The following FRY variants were observed in gnomAD, a reference collection of about 807,000 sequenced individuals.
FRY encodes the protein FRY microtubule binding protein, also known as protein furry homolog.
Under a neutral mutation model 348.4 loss-of-function variants are expected in FRY, and 128 were observed. That is an observed-to-expected ratio of 0.37 (90% CI 0.32 to 0.43). The LOEUF is 0.43. FRY is among the 20% of genes least tolerant of loss of function. The probability of loss-of-function intolerance (pLI) is 1.00; values close to 1 mark genes in which losing one functional copy is unlikely to be tolerated. For synonymous variants in FRY, 1,370 were observed against 1,374.7 expected, an observed-to-expected ratio of 1.00 and a Z score of 0.08; for missense variants, 2,736 against 3,695.2, an observed-to-expected ratio of 0.74 and a Z score of 6.73.
chr13:32,110,640 C>A (rs1438174024), intron 3 of FRY, among the ~76,000 whole-genome samples: 2 of 151,870 alleles, frequency 1.3e-5, no homozygotes, highest in African/African-American at 4.8e-5. Flanking sequence ...TTTCACATAC[C>A]TTCCAGCTAC....
intron 13 of FRY, among the ~76,000 whole-genome samples, chr13:32,149,230 T>TAC (rs1264017933): frequency 6.6e-6 from 1 of 150,420 alleles, no homozygotes; most frequent in Admixed American, 6.7e-5. Context: ...TATATATATA[T>TAC]ACACCCCTGA....
At chr13:32,062,174 T>A (rs1002748648) in intron 1 of FRY, among the ~76,000 whole-genome samples, 2 of 151,918 alleles carry the variant, frequency 1.3e-5, no homozygotes, top group African/African-American at 4.8e-5. Context: ...AAGGAACTTT[T>A]TTTTTCCTCC....
chr13:32,147,766 TC>T (rs1880546277), intron 12 of FRY, 72 bp from the exon 13 acceptor site: 9 of 838,908 alleles, frequency 1.1e-5, no homozygotes, highest in Middle Eastern at 2.4e-4. Flanking sequence ...AGATGAAATA[TC>T]TGCCATTTTC....
In FRY at chr13:32,244,154, T is replaced by C. The variant is rs752126703; in HGVS notation, c.6800T>C (p.Val2267Ala). ...VVPVKQFNVE[V>A]LKTIEKYVQS... ...CCTGTCAAACAGTTCAATGTGGAAGTTCTGAAGACAATTGAAAAATATGTG... is the reference window on the plus strand; with the variant it reads ...CCTGTCAAACAGTTCAATGTGGAAGCTCTGAAGACAATTGAAAAATATGTG... The change falls in exon 47 of 61, where the codon GTT becomes GCT. Residue 2267 changes from valine to alanine, a missense_variant. By Grantham distance (64) the Val-to-Ala change is moderately conservative (BLOSUM62 0). Coordinates refer to ENST00000542859, the MANE Select transcript of FRY (RefSeq NM_023037.3). 6.2e-7 allele frequency: 1 copy of C among 1,613,934 alleles called. No individual in the cohort carries two copies. The highest frequency in any genetic ancestry group is 1.1e-5 in the South Asian group (1 of 91,088).
At chr13:32,126,261 C>T (rs1470259359) in intron 7 of FRY, among the ~76,000 whole-genome samples, 1 of 87,604 alleles carries the variant, frequency 1.1e-5, no homozygotes, top group Non-Finnish European at 2.6e-5. Context: ...CATTTGGAAA[C>T]TTCAGTATCC....
intron 1 of FRY, among the ~76,000 whole-genome samples, chr13:32,035,489 G>T (rs1399294027): frequency 6.6e-6 from 1 of 152,146 alleles, no homozygotes; most frequent in Non-Finnish European, 1.5e-5. Context: ...AGTTTAAAGT[G>T]GATAGTTCAA....
At chr13:32,111,950 A>G (rs1274315622) in intron 3 of FRY, among the ~76,000 whole-genome samples, 3 of 152,200 alleles carry the variant, frequency 2.0e-5, no homozygotes, top group African/African-American at 7.2e-5. Context: ...CTAATGCAGG[A>G]CAGACATTGC....
rs773097319 is a variant in FRY at position 32,131,683 on chromosome 13, T to C, written c.728T>C (p.Val243Ala). 3.1e-6 allele frequency: 5 copies of C among 1,613,196 alleles called. No homozygotes were observed. The highest frequency in any genetic ancestry group is 4.2e-6 in the Non-Finnish European group (5 of 1,179,446). Residue 243 changes from valine (V) to alanine (A), a missense_variant, in exon 8 of 61, where the codon GTA (valine) becomes GCA (alanine). By Grantham distance (64) the Val-to-Ala change is moderately conservative (BLOSUM62 0). Around this residue, in one of 9 missense-constraint regions of FRY, gnomAD observed 309 missense variants for 418.1 expected, o/e 0.74. Coordinates refer to ENST00000542859, the MANE Select transcript of FRY (RefSeq NM_023037.3). ...TGTTATCTTCTTAGATTCCCTGCTG[T>C]AAAGAAGAAATTTATGGCGGAGCTA... ...GVLAQAKFPA[V>A]KKKFMAELKE...
At chr13:32,070,296 T>A (rs1172526444) in intron 1 of FRY, among the ~76,000 whole-genome samples, 1 of 152,190 alleles carries the variant, frequency 6.6e-6, no homozygotes, top group East Asian at 1.9e-4. Flanking sequence ...CACACAGTCT[T>A]TCTTCCAAAT....
At chr13:32,164,673 C>T (rs1881633329) in intron 17 of FRY, among the ~76,000 whole-genome samples, 1 of 152,202 alleles carries the variant, frequency 6.6e-6, no homozygotes, top group Non-Finnish European at 1.5e-5. Context: ...TTCACAGGCC[C>T]TCCTGACATT....
rs1438799916 is a variant in FRY at position 32,265,586 on chromosome 13, A to G, written c.7916A>G (p.Asn2639Ser). 5.6e-6 allele frequency: 9 copies of G among 1,614,218 alleles called. No individual in the cohort carries two copies. The highest frequency in any genetic ancestry group is 1.7e-5 in the Admixed American group (1 of 60,026). Residue 2639 changes from asparagine (N) to serine (S), a missense_variant, in exon 54 of 61, where the codon AAT becomes AGT. Asn to Ser is a conservative substitution (Grantham distance 46, BLOSUM62 1). Around this residue, in one of 9 missense-constraint regions of FRY, gnomAD observed 789 missense variants for 996.2 expected, o/e 0.79. Transcript: ENST00000542859. The stretch of plus-strand genomic sequence containing the variant: ...ATGACTGAGGGGGAAGAAAAAGGCA[A>G]TCGGGCACTGGACCAGTTTACCCTG... The part of the protein sequence containing the change: ...LDMTEGEEKG[N>S]RALDQFTLAS...
intron 2 of FRY, among the ~76,000 whole-genome samples, chr13:32,096,576 C>T (rs389740): frequency 6.6e-6 from 1 of 151,704 alleles, no homozygotes; most frequent in Admixed American, 6.6e-5. Flanking sequence ...GGATCACCTG[C>T]GGTCAGGGGT....
intron 2 of FRY, among the ~76,000 whole-genome samples, chr13:32,093,403 T>C (rs780295000): frequency 6.6e-6 from 1 of 152,194 alleles, no homozygotes; most frequent in Non-Finnish European, 1.5e-5. Context: ...ATTTCTCTTT[T>C]TTTTACCCTC....
At chr13:32,295,097 TA>T in intron 60 of FRY, 104 bp from the exon 61 acceptor site, 1 of 1,028,522 alleles carries the variant, frequency 9.7e-7, no homozygotes, top group Admixed American at 1.7e-5. Context: ...TCCATCTCAA[TA>T]AAGCCTTTTT....
intron 17 of FRY, among the ~76,000 whole-genome samples, chr13:32,169,186 T>C (rs995895380): frequency 6.6e-6 from 1 of 152,222 alleles, no homozygotes; most frequent in Admixed American, 6.5e-5. Flanking sequence ...GGTCAGGCCC[T>C]CACCACTTGT....
intron 29 of FRY, among the ~76,000 whole-genome samples, chr13:32,197,846 A>G (rs777739556): frequency 5.3e-5 from 8 of 152,142 alleles, no homozygotes; most frequent in Non-Finnish European, 1.2e-4. Context: ...TCTCTTCTAG[A>G]TAGTTTTATT....
rs1864665363 is a variant in FRY at position 32,184,594 on chromosome 13, A to G, written c.3055-6A>G. On this transcript the variant is annotated splice_polypyrimidine_tract_variant and splice_region_variant and intron_variant, in intron 24 of 60. Transcript: ENST00000542859. The stretch of plus-strand genomic sequence containing the variant: ...TCTGTAAGTGATACTACCTCTTTCT[A>G]CACAGAACAAGAAACGCCGAGAACG... The G allele has an allele frequency of 6.3e-7, 1 of 1,599,502 alleles. No individual in the cohort carries two copies. Among genetic ancestry groups the G allele is most frequent in the Non-Finnish European group, 8.6e-7 (1 of 1,166,722 alleles).
intron 20 of FRY, among the ~76,000 whole-genome samples, chr13:32,176,545 A>G (rs1212917953): frequency 2.0e-5 from 3 of 152,252 alleles, no homozygotes; most frequent in African/African-American, 7.2e-5. Context: ...CACTAAAACT[A>G]TAAGCCAGGT....
rs777536324 is a variant in FRY at position 32,117,381 on chromosome 13, T to C, written c.372T>C (p.Ile124=). 5.6e-6 allele frequency: 9 copies of C among 1,613,694 alleles called. No individual in the cohort carries two copies. The African/African-American group carries it at 1.1e-4, about 19-fold the overall frequency. The part of the protein sequence containing the change: ...SSLSEYCLPS[I]LRTLFDWYKR... Reference sequence around the variant, plus strand: ...TTTCTGAGTACTGCCTGCCTTCCATTCTACGTACATTATTTGACTGGTATA... The same window carrying C: ...TTTCTGAGTACTGCCTGCCTTCCATCCTACGTACATTATTTGACTGGTATA... Residue 124 remains isoleucine, a synonymous_variant, in exon 4 of 61, where the codon ATT becomes ATC. Coordinates refer to ENST00000542859, the MANE Select transcript of FRY (RefSeq NM_023037.3).
Sources: gnomAD v4.1 joint callset for allele counts (sites outside exome capture counted in the v4.1 genomes callset) on GRCh38, gnomAD v4.1.1 for gene constraint, gnomAD v4.1.1 regional missense constraint, MANE v1.5 for transcripts, NCBI Gene and HGNC (gene_info 2026-07-23, HGNC 2026-07-21) for gene names.